CA12: variants seen among roughly 807,000 people sequenced by gnomAD.
CA12 encodes the protein carbonic anhydrase 12, also known as carbonate dehydratase XII.
A neutral mutation model predicts 46.8 loss-of-function variants in CA12; 36 were observed. The ratio of observed to expected loss-of-function variants is 0.77; its 90% CI spans 0.59 to 1.02. The LOEUF is 1.02. Ranked by LOEUF, CA12 falls within the 50% of genes least tolerant of loss-of-function variation. The pLI, the probability that CA12 is intolerant of heterozygous loss-of-function variation, is 0.00. For missense variants in CA12, 436 were observed against 451.4 expected (o/e 0.97, Z 0.31); for synonymous variants, 202 against 187.0 (o/e 1.08, Z -0.65).
rs1483392963 is a variant in CA12, at chr15:63,330,839, AG to A, written c.875-2710del. On this transcript the variant is annotated intron_variant, in intron 8 of 10. Transcript: ENST00000178638. The surrounding 1 kb of genome is among the most constrained non-coding windows in gnomAD (Gnocchi z 4.0). The stretch of plus-strand genomic sequence containing the variant: ...TGTGACCTGGGATCTTTGCTCCTTG[AG>A]GACCACTTGTCAAGGCCTAAATGGA... Among the ~76,000 whole-genome samples the A allele has an allele frequency of 6.6e-6, 1 of 152,202 alleles. No homozygotes were observed. Among genetic ancestry groups the A allele is most frequent in the African/African-American group, 2.4e-5 (1 of 41,440 alleles).
intron 2 of CA12, among the ~76,000 whole-genome samples, chr15:63,356,279 G>T (rs889931926): frequency 3.3e-5 from 5 of 152,144 alleles, no homozygotes; most frequent in Admixed American, 2.6e-4. Flanking sequence ...TGTAGTCCCA[G>T]CTACTCGGGA....
Position 63,372,834 on chromosome 15 carries a change from C to G in CA12, c.106+2824G>C, listed in dbSNP as rs1453157709. 1.3e-5 allele frequency among the ~76,000 whole-genome samples: 2 copies of G among 152,234 alleles called. No homozygotes were observed. The highest frequency in any genetic ancestry group is 4.8e-5 in the African/African-American group (2 of 41,460). On this transcript the variant is annotated intron_variant, in intron 2 of 10. Coordinates refer to ENST00000178638, the MANE Select transcript of CA12 (RefSeq NM_001218.5). The surrounding 1 kb of genome is among the most constrained non-coding windows in gnomAD (Gnocchi z 4.5). Reference sequence around the variant, plus strand: ...GAGGGCTGACTCCACATCACACATGCCCATGTCACTAATAAAAACCAGACT... The same window carrying G: ...GAGGGCTGACTCCACATCACACATGGCCATGTCACTAATAAAAACCAGACT...
chr15:63,381,031 GT>G (rs1191288079), intron 1 of CA12, among the ~76,000 whole-genome samples: 4 of 151,844 alleles, frequency 2.6e-5, no homozygotes, highest in African/African-American at 9.7e-5. Flanking sequence ...GTGTGTGTGT[GT>G]GTGTGTGGTT....
chr15:63,327,244 G>C lies in CA12; in HGVS notation c.908-11C>G. On this transcript the variant is annotated splice_polypyrimidine_tract_variant and intron_variant, in intron 9 of 10. Coordinates refer to ENST00000178638, the MANE Select transcript of CA12 (RefSeq NM_001218.5). This position sits in a 1 kb window ranked among gnomAD's most constrained non-coding sequence, Gnocchi z 4.5. ...GTGAGAGGATGATGCCTGGTGAAGA[G>C]GTAGAGGGCACACATTACATTCCTT... is the stretch of plus-strand genomic sequence containing the variant. 6.2e-7 allele frequency: 1 copy of C among 1,610,260 alleles called. No homozygotes were observed. Among genetic ancestry groups the C allele is most frequent in the Non-Finnish European group, 8.5e-7 (1 of 1,176,946 alleles).
In CA12 at chr15:63,322,521, G is replaced by T. The variant is rs2038803583; in HGVS notation, c.*3764C>A. 1 of 152,094 alleles carries T rather than the reference G, an allele frequency of 6.6e-6. No individual in the cohort carries two copies. The highest frequency in any genetic ancestry group is 6.5e-5 in the Admixed American group (1 of 15,270). 9.4% of individuals were successfully genotyped at this position (152,094 alleles called of 1,614,324 possible). A position where few individuals can be genotyped will look rare whatever the true frequency, so the allele number is the denominator to read the frequency against. The stretch of plus-strand genomic sequence containing the variant: ...GTGCTCTAGATGGTTGATTTGGCTG[G>T]ATTGAGATGAGGTGATGGCCATCCT... On this transcript the variant is annotated 3_prime_UTR_variant, in exon 11 of 11. Transcript: ENST00000178638. This position sits in a 1 kb window ranked among gnomAD's most constrained non-coding sequence, Gnocchi z 4.1.
intron 2 of CA12, among the ~76,000 whole-genome samples, chr15:63,359,188 C>T (rs189598545): frequency 6.6e-6 from 1 of 152,168 alleles, no homozygotes; most frequent in South Asian, 2.1e-4. Flanking sequence ...TGCTGGCTAC[C>T]CCCTTTGGAT....
chr15:63,340,351 G>A lies in CA12; in HGVS notation c.684C>T (p.Pro228=). ...YYRYRGSLTT[P]PCNPTVLWTV... ...TCCAGAGCACAGTGGGGTTGCAAGG[G>A]GGTGTGGTCAGGGACCCCCGGTAGC... is the stretch of plus-strand genomic sequence containing the variant. The change falls in exon 7 of 11, where the codon CCC becomes CCT. Residue 228 remains proline (P), a synonymous_variant. Transcript: ENST00000178638. The surrounding 1 kb of genome is among the most constrained non-coding windows in gnomAD (Gnocchi z 4.4). 2 of 1,614,138 alleles carry A rather than the reference G, an allele frequency of 1.2e-6. No individual in the cohort carries two copies. The highest frequency in any genetic ancestry group is 1.7e-6 in the Non-Finnish European group (2 of 1,180,022).
intron 2 of CA12, among the ~76,000 whole-genome samples, chr15:63,357,212 G>A (rs190770588): frequency 6.6e-6 from 1 of 152,328 alleles, no homozygotes; most frequent in East Asian, 1.9e-4. Context: ...CAGAACTTGA[G>A]TGCACAATCA....
Position 63,345,638 on chromosome 15 carries a change from C to T in CA12, c.287-19G>A. ...AGCTTCACTGCGGGGAGTGGAGGAG[C>T]AGCCTTCAGAGCCCCGGCCAGCTGT... On this transcript the variant is annotated intron_variant, in intron 3 of 10. Coordinates refer to ENST00000178638, the MANE Select transcript of CA12 (RefSeq NM_001218.5). This position sits in a 1 kb window ranked among gnomAD's most constrained non-coding sequence, Gnocchi z 4.3. 4 of 1,608,684 alleles carry T rather than the reference C, an allele frequency of 2.5e-6. No homozygotes were observed. The highest frequency in any genetic ancestry group is 1.7e-4 in the Middle Eastern group (1 of 5,966).
chr15:63,339,350 T>C lies in CA12; in HGVS notation c.748-405A>G, dbSNP rs2039045897. ...GTCGCAGGGCTTGTTCTGATGGTCA[T>C]ATCAGAAGGAATAAAGGAGGGAGTT... On this transcript the variant is annotated intron_variant, in intron 7 of 10. Transcript: ENST00000178638. This position sits in a 1 kb window ranked among gnomAD's most constrained non-coding sequence, Gnocchi z 4.3. Among the ~76,000 whole-genome samples, 1 of 152,124 alleles carries C rather than the reference T, an allele frequency of 6.6e-6. No individual in the cohort carries two copies. The highest frequency in any genetic ancestry group is 2.1e-4 in the South Asian group (1 of 4,822).
rs2038813740 is a variant in CA12 at position 63,323,044 on chromosome 15, T to A, written c.*3241A>T. On this transcript the variant is annotated 3_prime_UTR_variant, in exon 11 of 11. Coordinates refer to ENST00000178638, the MANE Select transcript of CA12 (RefSeq NM_001218.5). The surrounding 1 kb of genome is among the most constrained non-coding windows in gnomAD (Gnocchi z 5.1). ...GTGAAGTCTGGATTTAGACAAAAGA[T>A]TATTTGGACGGGTGATAGTATGTTT... 6.6e-6 allele frequency: 1 copy of A among 152,194 alleles called. No homozygotes were observed. The highest frequency in any genetic ancestry group is 1.5e-5 in the Non-Finnish European group (1 of 68,046). The allele number at this position is 152,194 out of a possible 1,614,324, so 9.4% of individuals were successfully genotyped here.
chr15:63,365,222 C>A (rs556243546), intron 2 of CA12, among the ~76,000 whole-genome samples: 1 of 152,204 alleles, frequency 6.6e-6, no homozygotes, highest in South Asian at 2.1e-4. Flanking sequence ...AACTGCTAAG[C>A]CTTTGATCCT....
chr15:63,330,426 G>A lies in CA12; in HGVS notation c.875-2296C>T, dbSNP rs148634659. On this transcript the variant is annotated intron_variant, in intron 8 of 10. Coordinates refer to ENST00000178638, the MANE Select transcript of CA12 (RefSeq NM_001218.5). This position sits in a 1 kb window ranked among gnomAD's most constrained non-coding sequence, Gnocchi z 4.0. ...TTGATGAAATACACTCTCGTTCTTT[G>A]TTCCTGAAGCTCCAGATGCTTGTGG... 8.7e-3 allele frequency among the ~76,000 whole-genome samples: 1,318 copies of A among 152,260 alleles called. 5 individuals carry two copies. The highest frequency in any genetic ancestry group is 0.012 in the Non-Finnish European group (802 of 68,008).
intron 8 of CA12, among the ~76,000 whole-genome samples, chr15:63,335,651 T>C (rs1250168035): frequency 6.6e-6 from 1 of 150,970 alleles, no homozygotes; most frequent in Non-Finnish European, 1.5e-5. Context: ...TTTTTAAACA[T>C]CACTTTTCTC....
intron 8 of CA12, among the ~76,000 whole-genome samples, chr15:63,337,877 T>A (rs996817370): frequency 4.6e-5 from 7 of 152,178 alleles, no homozygotes; most frequent in African/African-American, 1.7e-4. Context: ...TATCTTTAAA[T>A]ATGAACGCCA....
rs875242 is a variant in CA12, at chr15:63,341,470, G to A, written c.525+532C>T. Reference sequence around the variant, plus strand: ...GGGATCTAGGCTGTGTATTCCTTACGGAATCTAACTAATGCTTGATGATCT... The same window carrying A: ...GGGATCTAGGCTGTGTATTCCTTACAGAATCTAACTAATGCTTGATGATCT... On this transcript the variant is annotated intron_variant, in intron 5 of 10. Transcript: ENST00000178638. The surrounding 1 kb of genome is among the most constrained non-coding windows in gnomAD (Gnocchi z 5.2). Among the ~76,000 whole-genome samples, 3,164 of 152,286 alleles carry A rather than the reference G, an allele frequency of 0.021. 51 individuals are homozygous for A. The highest frequency in any genetic ancestry group is 0.047 in the African/African-American group (1,949 of 41,560).
chr15:63,352,341 G>A (rs1005682913), intron 2 of CA12, among the ~76,000 whole-genome samples: 4 of 152,230 alleles, frequency 2.6e-5, no homozygotes, highest in Non-Finnish European at 4.4e-5. Context: ...ACAGGCGCGA[G>A]CCACCGCACC....
At chr15:63,376,574 C>CTTTCTTTCTTTCTTTG (rs1163807593) in intron 1 of CA12, among the ~76,000 whole-genome samples, 3 of 114,220 alleles carry the variant, frequency 2.6e-5, no homozygotes, top group Non-Finnish European at 5.6e-5. Context: ...TTCTTTCTTT[C>CTTTCTTTCTTTCTTTG]TTTCTTTCTT....
rs1011345599 is a variant in CA12 at position 63,324,633 on chromosome 15, C to T, written c.*1652G>A. On this transcript the variant is annotated 3_prime_UTR_variant, in exon 11 of 11. Coordinates refer to ENST00000178638, the MANE Select transcript of CA12 (RefSeq NM_001218.5). The stretch of plus-strand genomic sequence containing the variant: ...TTGTAACTTTGCCTAGCAAAACAGG[C>T]TCCCAAGACATAAGGCTTGCCATCG... The T allele has an allele frequency of 2.0e-5, 3 of 151,958 alleles. No homozygotes were observed. The highest frequency in any genetic ancestry group is 4.8e-5 in the African/African-American group (2 of 41,342). 9.4% of individuals were successfully genotyped at this position (151,958 alleles called of 1,614,324 possible). A position where few individuals can be genotyped will look rare whatever the true frequency, so the allele number is the denominator to read the frequency against.
Sources: allele counts gnomAD v4.1 joint callset (sites outside exome capture counted in the v4.1 genomes callset), GRCh38; gene constraint gnomAD v4.1.1; non-coding constraint Gnocchi (gnomAD v3.1); transcripts MANE v1.5; gene names NCBI Gene and HGNC (gene_info 2026-07-23, HGNC 2026-07-21).